The following ARB2A variants were observed in gnomAD, a reference collection of about 807,000 sequenced individuals.
The protein encoded by ARB2A is ARB2 cotranscriptional regulator A.
chr5:93,907,965 A>G, the ARB2A span, among the ~76,000 whole-genome samples: 1 of 151,244 alleles, frequency 6.6e-6, no homozygotes, highest in Admixed American at 6.6e-5. Context: ...AAATTTGACA[A>G]TTTATCTTGA....
chr5:93,800,098 C>A, the ARB2A span, among the ~76,000 whole-genome samples: 3 of 151,906 alleles, frequency 2.0e-5, no homozygotes, highest in Non-Finnish European at 4.4e-5. Flanking sequence ...TAAATAATTT[C>A]TAATTGAAGT....
At chr5:94,096,433 T>C in the ARB2A span, among the ~76,000 whole-genome samples, 94 of 152,304 alleles carry the variant, frequency 6.2e-4, no homozygotes, top group Non-Finnish European at 1.1e-3. Context: ...TCTACTGTTT[T>C]CTTATACTTG....
the ARB2A span, among the ~76,000 whole-genome samples, chr5:94,059,795 T>C: frequency 6.6e-6 from 1 of 151,660 alleles, no homozygotes; most frequent in African/African-American, 2.4e-5. Flanking sequence ...CAAAAGCATC[T>C]TTCCAAATAG....
chr5:93,973,041 T>G, the ARB2A span, among the ~76,000 whole-genome samples: 1 of 151,996 alleles, frequency 6.6e-6, no homozygotes, highest in Admixed American at 6.6e-5. Context: ...CTCAAACTCC[T>G]GGGCTCAACT....
the ARB2A span, chr5:93,805,746 T>C: frequency 1.0e-6 from 1 of 985,182 alleles, no homozygotes; most frequent in Non-Finnish European, 1.2e-6. Context: ...GTATACCTAT[T>C]TGTAGTTGCT....
chr5:94,099,572 C>T, the ARB2A span, among the ~76,000 whole-genome samples: 3 of 132,444 alleles, frequency 2.3e-5, no homozygotes, highest in Non-Finnish European at 1.5e-5. Context: ...TGCAGTGAGC[C>T]GAGATCGCGC....
chr5:93,939,546 G>A, the ARB2A span, among the ~76,000 whole-genome samples: 1 of 151,912 alleles, frequency 6.6e-6, no homozygotes, highest in Non-Finnish European at 1.5e-5. Context: ...CAAAAGGAAT[G>A]GTTTTCATTA....
At chr5:93,700,582 C>A in the ARB2A span, among the ~76,000 whole-genome samples, 1 of 151,906 alleles carries the variant, frequency 6.6e-6, no homozygotes, top group Non-Finnish European at 1.5e-5. Context: ...CTATCTCCTG[C>A]AGCAGAAGGA....
At chr5:93,674,604 T>C in the ARB2A span, among the ~76,000 whole-genome samples, 14 of 152,214 alleles carry the variant, frequency 9.2e-5, no homozygotes, top group Non-Finnish European at 1.8e-4. Context: ...ACATTGATCA[T>C]GTAAATGTTT....
At chr5:93,694,197 G>C in the ARB2A span, among the ~76,000 whole-genome samples, 1 of 152,176 alleles carries the variant, frequency 6.6e-6, no homozygotes. Flanking sequence ...AGGGAGATCA[G>C]GCAAGAGAAA....
chr5:93,826,549 T>C, the ARB2A span, among the ~76,000 whole-genome samples: 2 of 152,168 alleles, frequency 1.3e-5, no homozygotes, highest in African/African-American at 4.8e-5. Flanking sequence ...GCTCTCCATA[T>C]CCAGCTGAAA....
chr5:93,630,611 A>AGGGCGTAGTGG, the ARB2A span, among the ~76,000 whole-genome samples: 1 of 152,070 alleles, frequency 6.6e-6, no homozygotes. Flanking sequence ...GTGGTACAAG[A>AGGGCGTAGTGG]GGGCGTAGTG....
the ARB2A span, chr5:94,053,301 A>G: frequency 1.3e-6 from 1 of 799,298 alleles, no homozygotes; most frequent in Non-Finnish European, 1.9e-6. Context: ...ATTTAATTTA[A>G]TTTAAAGTAT....
At chr5:93,926,684 CAAGA>C in the ARB2A span, among the ~76,000 whole-genome samples, 2 of 151,536 alleles carry the variant, frequency 1.3e-5, no homozygotes, top group Admixed American at 1.3e-4. Context: ...GCTAATTCTC[CAAGA>C]AAGAAATCAA....
the ARB2A span, among the ~76,000 whole-genome samples, chr5:93,825,754 G>C: frequency 2.6e-5 from 4 of 152,094 alleles, no homozygotes; most frequent in East Asian, 1.9e-4. Context: ...ATAGCAGAAA[G>C]TTATACTGAT....
the ARB2A span, among the ~76,000 whole-genome samples, chr5:93,969,177 T>C: frequency 6.6e-6 from 1 of 151,878 alleles, no homozygotes; most frequent in African/African-American, 2.4e-5. Context: ...AATATTTTAT[T>C]ATTCTTATTT....
the ARB2A span, among the ~76,000 whole-genome samples, chr5:93,651,730 A>C: frequency 1.3e-5 from 2 of 152,210 alleles, no homozygotes. Flanking sequence ...AGTTATAACA[A>C]TATATTATTT....
At chr5:93,943,805 G>GA in the ARB2A span, among the ~76,000 whole-genome samples, 1 of 151,844 alleles carries the variant, frequency 6.6e-6, no homozygotes, top group Non-Finnish European at 1.5e-5. Context: ...TCCATGCTGT[G>GA]AAAAAAGATC....
At chr5:93,963,956 A>G in the ARB2A span, among the ~76,000 whole-genome samples, 1 of 152,060 alleles carries the variant, frequency 6.6e-6, no homozygotes, top group Non-Finnish European at 1.5e-5. Flanking sequence ...GATTCAAAAA[A>G]AGGTTCTGCC....
Sources: allele counts gnomAD v4.1 joint callset (sites outside exome capture counted in the v4.1 genomes callset), GRCh38; gene constraint gnomAD v4.1.1; transcripts MANE v1.5; gene names NCBI Gene and HGNC (gene_info 2026-07-23, HGNC 2026-07-21).